TRIM37: variants seen among roughly 807,000 people sequenced by gnomAD.
TRIM37 encodes E3 ubiquitin-protein ligase TRIM37.
In TRIM37, 80 loss-of-function variants were observed where a neutral mutation model predicts 129.8. The observed-to-expected ratio is 0.62, with a 90% CI of 0.51 to 0.74. TRIM37 has a LOEUF of 0.74. TRIM37 is among the 30% of genes least tolerant of loss of function. The probability of loss-of-function intolerance (pLI) is 0.00; values close to 1 mark genes in which losing one functional copy is unlikely to be tolerated. For synonymous variants in TRIM37, 389 were observed against 387.1 expected, an observed-to-expected ratio of 1.00 and a Z score of -0.06; for missense variants, 1,054 against 1,176.5, an observed-to-expected ratio of 0.90 and a Z score of 1.52.
At chr17:59,101,735 C>T (rs1480665556) in intron 2 of TRIM37, among the ~76,000 whole-genome samples, 1 of 133,502 alleles carries the variant, frequency 7.5e-6, no homozygotes, top group African/African-American at 2.8e-5. Context: ...TATACATATA[C>T]ATGTTTATAT....
At chr17:59,028,134 A>G (rs1458164694) in intron 19 of TRIM37, among the ~76,000 whole-genome samples, 1 of 152,138 alleles carries the variant, frequency 6.6e-6, no homozygotes, top group Non-Finnish European at 1.5e-5. Flanking sequence ...ACTTGTCTAC[A>G]CTTTTTAATG....
intron 13 of TRIM37, among the ~76,000 whole-genome samples, chr17:59,053,564 TA>T (rs1372450742): frequency 2.0e-5 from 3 of 151,958 alleles, no homozygotes; most frequent in African/African-American, 7.3e-5. Flanking sequence ...CAATGTTGCT[TA>T]AAAAAAATGA....
chr17:59,056,232 G>C (rs2146330373), intron 13 of TRIM37, among the ~76,000 whole-genome samples: 1 of 151,880 alleles, frequency 6.6e-6, no homozygotes, highest in East Asian at 1.9e-4. Flanking sequence ...TAAAAAGATG[G>C]GGGGTCTCAT....
chr17:59,059,902 C>T (rs1021266155), intron 12 of TRIM37, among the ~76,000 whole-genome samples: 1 of 152,198 alleles, frequency 6.6e-6, no homozygotes, highest in Non-Finnish European at 1.5e-5. Context: ...TGGCAGGTTG[C>T]AATAGACACA....
chr17:59,100,878 C>T (rs1393702904), intron 2 of TRIM37, among the ~76,000 whole-genome samples: 1 of 151,982 alleles, frequency 6.6e-6, no homozygotes, highest in African/African-American at 2.4e-5. Context: ...CAAAATTAGT[C>T]AAGCGTGGTG....
rs745571262 is a variant in TRIM37, at chr17:59,047,831, C to A, written c.1531-12G>T. On this transcript the variant is annotated splice_polypyrimidine_tract_variant and intron_variant, in intron 15 of 23. Coordinates refer to ENST00000262294, the MANE Select transcript of TRIM37 (RefSeq NM_015294.6). ...TCTGAAAGCTCGTGCTAGATCAATG[C>A]CAAGAAAACAAGACGTCTATTCCAA... is the stretch of plus-strand genomic sequence containing the variant. The A allele has an allele frequency of 1.7e-5, 28 of 1,613,558 alleles. No individual in the cohort carries two copies. In the Admixed American group the frequency reaches 4.7e-4, roughly 27 times the overall value.
At chr17:59,090,766 T>C (rs770299363) in intron 3 of TRIM37, among the ~76,000 whole-genome samples, 27 of 151,930 alleles carry the variant, frequency 1.8e-4, no homozygotes, top group Admixed American at 9.2e-4. Flanking sequence ...GCTGGGACTA[T>C]AGTCGCGCGC....
chr17:59,056,711 G>C (rs181308167), intron 13 of TRIM37, among the ~76,000 whole-genome samples, 164 bp downstream of exon 13: 90 of 17,678 alleles, frequency 5.1e-3, no homozygotes, highest in Middle Eastern at 0.077. Context: ...GCGAGACTAT[G>C]TCTCCAAAAA....
At chr17:59,042,766 GAGGAC>G (rs967645854) in intron 16 of TRIM37, among the ~76,000 whole-genome samples, 34 of 151,570 alleles carry the variant, frequency 2.2e-4, no homozygotes, top group African/African-American at 7.7e-4. Flanking sequence ...CTGTCTCAAG[GAGGAC>G]AGGACAGGAC....
chr17:58,980,383 A>G (rs767905257), downstream of TRIM37: 1 of 1,614,176 alleles, frequency 6.2e-7, no homozygotes, highest in East Asian at 2.2e-5. This position sits in a 1 kb window ranked among gnomAD's most constrained non-coding sequence, Gnocchi z 4.7. Flanking sequence ...CAGCCGACCT[A>G]GGCTATGATG....
chr17:58,994,884 G>A (rs1161418619), downstream of TRIM37, among the ~76,000 whole-genome samples: 2 of 151,962 alleles, frequency 1.3e-5, no homozygotes, highest in African/African-American at 4.8e-5. Flanking sequence ...TGAGTAGCTG[G>A]GATTACAGGC....
intron 1 of TRIM37, 110 bp from the exon 2 acceptor site, chr17:59,104,504 A>G (rs776442789): frequency 3.2e-6 from 3 of 936,088 alleles, no homozygotes; most frequent in Non-Finnish European, 5.3e-6. Flanking sequence ...TGATCTCTCA[A>G]TTTTAACTAT....
intron 16 of TRIM37, among the ~76,000 whole-genome samples, chr17:59,042,431 T>TAA (rs71145517): frequency 1.1e-3 from 83 of 76,654 alleles, no homozygotes; most frequent in African/African-American, 2.8e-3. Flanking sequence ...AAAAGGAATT[T>TAA]AAAAAAAAAA....
intron 3 of TRIM37, among the ~76,000 whole-genome samples, chr17:59,089,513 T>C (rs562414083): frequency 9.2e-4 from 140 of 151,822 alleles, no homozygotes; most frequent in African/African-American, 3.2e-3. Context: ...TGGTGGCACG[T>C]GCCTGTAATC....
intron 20 of TRIM37, among the ~76,000 whole-genome samples, chr17:59,016,287 A>T (rs924804891): frequency 6.7e-6 from 1 of 150,252 alleles, no homozygotes; most frequent in Non-Finnish European, 1.5e-5. Flanking sequence ...CCAGTTACTC[A>T]GGAGACTGAG....
intron 5 of TRIM37, among the ~76,000 whole-genome samples, chr17:59,081,734 C>A (rs958756000): frequency 6.6e-6 from 1 of 151,654 alleles, no homozygotes; most frequent in African/African-American, 2.4e-5. Flanking sequence ...ACGGCAAAAA[C>A]ACGTCTCTAC....
At position 58,999,018 on chromosome 17, in the gene TRIM37, C is replaced by T. The variant is rs967728006; in HGVS notation, c.*359G>A. 1.5e-5 allele frequency: 17 copies of T among 1,121,984 alleles called. No homozygotes were observed. The highest frequency in any genetic ancestry group is 4.1e-4 in the Middle Eastern group (1 of 2,456). 69.5% of individuals were successfully genotyped at this position (1,121,984 alleles called of 1,614,324 possible). ...GCCAAAGACAGTAGAGCACCAATGC[C>T]GGGCGGGTTACTGACGGCATGCAGG... is the stretch of plus-strand genomic sequence containing the variant. On this transcript the variant is annotated 3_prime_UTR_variant, in exon 24 of 24. Transcript: ENST00000262294.
At chr17:59,015,588 T>C in intron 21 of TRIM37, 22 bp downstream of exon 21, 1 of 1,612,176 alleles carries the variant, frequency 6.2e-7, no homozygotes, top group Non-Finnish European at 8.5e-7. Context: ...TACCATTACA[T>C]ATACAAAACA....
chr17:59,069,208 G>A (rs2042165256), intron 9 of TRIM37, among the ~76,000 whole-genome samples: 1 of 151,926 alleles, frequency 6.6e-6, no homozygotes, highest in African/African-American at 2.4e-5. Flanking sequence ...TTAGCTGGGC[G>A]TGGTGGTGCA....
Sources: allele counts gnomAD v4.1 joint callset (sites outside exome capture counted in the v4.1 genomes callset), GRCh38; gene constraint gnomAD v4.1.1; non-coding constraint Gnocchi (gnomAD v3.1); transcripts MANE v1.5; gene names NCBI Gene and HGNC (gene_info 2026-07-23, HGNC 2026-07-21).